Variants in EBF1 observed in about 807,000 individuals in gnomAD.
EBF1 encodes transcription factor COE1.
A neutral mutation model predicts 68.4 loss-of-function variants in EBF1; 10 were observed. The observed-to-expected ratio is 0.15, with a 90% CI of 0.09 to 0.25. EBF1 has a LOEUF of 0.25. Ranked by LOEUF, EBF1 falls within the 10% of genes least tolerant of loss-of-function variation. EBF1 has a pLI of 1.00. For missense variants in EBF1, 509 were observed against 794.4 expected (o/e 0.64, Z 4.32); for synonymous variants, 298 against 299.8 (o/e 0.99, Z 0.06).
chr5:158,845,376 G>T (rs1791250213), intron 6 of EBF1, among the ~76,000 whole-genome samples: 1 of 151,998 alleles, frequency 6.6e-6, no homozygotes, highest in Admixed American at 6.6e-5. Flanking sequence ...TAATTAATTG[G>T]GTGACTTTAG....
At chr5:158,729,683 A>G (rs1196094650) in intron 11 of EBF1, among the ~76,000 whole-genome samples, 1 of 152,238 alleles carries the variant, frequency 6.6e-6, no homozygotes, top group Non-Finnish European at 1.5e-5. Context: ...CTTACCAAGA[A>G]TAAATTGGGG....
chr5:158,939,165 A>G (rs567589713), intron 6 of EBF1, among the ~76,000 whole-genome samples: 2 of 152,224 alleles, frequency 1.3e-5, no homozygotes, highest in African/African-American at 2.4e-5. Context: ...TTGGCCTCAC[A>G]TGTACCTCAG....
chr5:158,905,465 G>A (rs1355551704), intron 6 of EBF1, among the ~76,000 whole-genome samples: 2 of 152,200 alleles, frequency 1.3e-5, no homozygotes, highest in African/African-American at 4.8e-5. Context: ...AGCACTGGAT[G>A]AGGATTAAGT....
At chr5:158,969,903 AG>A (rs1561663435) in intron 6 of EBF1, among the ~76,000 whole-genome samples, 27 of 118,474 alleles carry the variant, frequency 2.3e-4, no homozygotes, top group African/African-American at 5.9e-4. Context: ...AAAGAAAGAA[AG>A]AAAGAAAGAA....
At chr5:159,023,700 T>C (rs1767171288) in intron 6 of EBF1, among the ~76,000 whole-genome samples, 1 of 152,230 alleles carries the variant, frequency 6.6e-6, no homozygotes, top group South Asian at 2.1e-4. Context: ...GCAGCTAGTT[T>C]TCCATACCAC....
intron 10 of EBF1, among the ~76,000 whole-genome samples, chr5:158,742,307 C>A (rs923249202): frequency 2.6e-5 from 4 of 152,242 alleles, no homozygotes; most frequent in Non-Finnish European, 5.9e-5. Context: ...TTTGTCCCAA[C>A]CGTCCTGGAG....
chr5:158,717,540 C>A (rs933669140), intron 11 of EBF1, among the ~76,000 whole-genome samples: 1 of 151,982 alleles, frequency 6.6e-6, no homozygotes, highest in Non-Finnish European at 1.5e-5. Flanking sequence ...ATTTTCTCTT[C>A]TTTTCATAAT....
intron 8 of EBF1, among the ~76,000 whole-genome samples, chr5:158,820,782 T>C (rs1784664332): frequency 6.6e-6 from 1 of 152,140 alleles, no homozygotes; most frequent in Non-Finnish European, 1.5e-5. Flanking sequence ...ACTTTAAAAC[T>C]TAGAATAATA....
Position 158,731,138 on chromosome 5 carries a change from G to A in EBF1, c.1056C>T (p.Ile352=), listed in dbSNP as rs776038203. The stretch of plus-strand genomic sequence containing the variant: ...TCTGTAACCTCTGGAAACCATAATC[G>A]ATGGTGGGTTCGTTGAGCGCTGCAA... ...FIYTALNEPT[I]DYGFQRLQKV... Residue 352 remains isoleucine, a synonymous_variant, in exon 11 of 16, where the codon ATC becomes ATT. Coordinates refer to ENST00000313708, the MANE Select transcript of EBF1 (RefSeq NM_024007.5). 1.4e-5 allele frequency: 23 copies of A among 1,613,998 alleles called. No individual in the cohort carries two copies. Among genetic ancestry groups the A allele is most frequent in the African/African-American group, 6.7e-5 (5 of 75,034 alleles).
chr5:158,914,360 G>C (rs1038742791), intron 6 of EBF1, among the ~76,000 whole-genome samples: 3 of 152,116 alleles, frequency 2.0e-5, no homozygotes, highest in Non-Finnish European at 2.9e-5. Flanking sequence ...TGCATGCGTG[G>C]TTTGTGCTTT....
chr5:159,034,320 T>C (rs533358572), intron 6 of EBF1, among the ~76,000 whole-genome samples: 1 of 152,338 alleles, frequency 6.6e-6, no homozygotes, highest in South Asian at 2.1e-4. Flanking sequence ...AGTTAGATAG[T>C]GGATTTATTT....
At chr5:158,812,041 G>A (rs563195681) in intron 8 of EBF1, among the ~76,000 whole-genome samples, 5 of 152,194 alleles carry the variant, frequency 3.3e-5, no homozygotes, top group African/African-American at 7.2e-5. Flanking sequence ...AAATCATTCC[G>A]TGTGCCATTA....
intron 10 of EBF1, among the ~76,000 whole-genome samples, chr5:158,752,357 G>A (rs1299629424): frequency 2.7e-5 from 4 of 148,864 alleles, no homozygotes; most frequent in East Asian, 1.9e-4. Flanking sequence ...CACAGCTTAG[G>A]ACTTGAATAT....
chr5:158,844,165 T>A (rs1005785933), intron 6 of EBF1, among the ~76,000 whole-genome samples: 3 of 144,942 alleles, frequency 2.1e-5, no homozygotes, highest in Non-Finnish European at 4.5e-5. Flanking sequence ...CTGACCAGGA[T>A]CAAACTCCTT....
chr5:158,918,698 C>T (rs1807745253), intron 6 of EBF1, among the ~76,000 whole-genome samples: 1 of 152,212 alleles, frequency 6.6e-6, no homozygotes. Context: ...CACACTTACC[C>T]TTACTTTACA....
At chr5:158,931,228 C>T (rs980389457) in intron 6 of EBF1, among the ~76,000 whole-genome samples, 33 of 152,274 alleles carry the variant, frequency 2.2e-4, no homozygotes, top group South Asian at 8.3e-4. Flanking sequence ...TAACTTAAAG[C>T]GGTCACTATT....
intron 4 of EBF1, 116 bp downstream of exon 4, chr5:159,095,504 C>T (rs1275462766): frequency 4.1e-6 from 5 of 1,229,992 alleles, no homozygotes; most frequent in Non-Finnish European, 5.7e-6. Context: ...TCTGAGCCGC[C>T]CCCGCTGGCT....
intron 15 of EBF1, among the ~76,000 whole-genome samples, chr5:158,703,099 C>T (rs139368319): frequency 4.0e-4 from 61 of 152,266 alleles, no homozygotes; most frequent in African/African-American, 1.5e-3. Flanking sequence ...ATGCCTCTGT[C>T]TTGAATAAAT....
chr5:158,821,339 T>C (rs1784785689), intron 8 of EBF1, among the ~76,000 whole-genome samples: 1 of 152,218 alleles, frequency 6.6e-6, no homozygotes, highest in Admixed American at 6.5e-5. Flanking sequence ...CTGATCCTCA[T>C]TGCCTAGAGG....
Sources: gnomAD v4.1 joint callset for allele counts (sites outside exome capture counted in the v4.1 genomes callset) on GRCh38, gnomAD v4.1.1 for gene constraint, MANE v1.5 for transcripts, NCBI Gene and HGNC (gene_info 2026-07-23, HGNC 2026-07-21) for gene names.